KSR2: variants seen among roughly 807,000 people sequenced by gnomAD.
The protein encoded by KSR2 is kinase suppressor of ras 2.
Under a neutral mutation model 107.8 loss-of-function variants are expected in KSR2, and 25 were observed. The observed-to-expected ratio is 0.23, with a 90% CI of 0.17 to 0.32. The LOEUF is 0.32. Ranked by LOEUF, KSR2 falls within the 10% of genes least tolerant of loss-of-function variation. The probability of loss-of-function intolerance (pLI) is 1.00; values close to 1 mark genes in which losing one functional copy is unlikely to be tolerated. For missense variants in KSR2, 887 were observed against 1,268.9 expected (o/e 0.70, Z 4.57); for synonymous variants, 480 against 507.0 (o/e 0.95, Z 0.71).
At chr12:117,790,950 C>T (rs940832352) in intron 3 of KSR2, among the ~76,000 whole-genome samples, 4 of 152,176 alleles carry the variant, frequency 2.6e-5, no homozygotes, top group Admixed American at 2.0e-4. Flanking sequence ...TCCTCTCTAA[C>T]CCATTTGACT....
intron 4 of KSR2, among the ~76,000 whole-genome samples, chr12:117,708,542 C>T (rs141599744): frequency 1.1e-3 from 174 of 152,236 alleles, no homozygotes; most frequent in African/African-American, 4.0e-3. Context: ...AATGTGCCAC[C>T]CAGGACCCCC....
chr12:117,642,497 C>T (rs1883423369), intron 5 of KSR2, among the ~76,000 whole-genome samples: 1 of 152,234 alleles, frequency 6.6e-6, no homozygotes, highest in South Asian at 2.1e-4. Context: ...TCAAGGTAAA[C>T]GTACCTGTCC....
At chr12:117,513,482 ACT>A in intron 14 of KSR2, among the ~76,000 whole-genome samples, 1 of 151,940 alleles carries the variant, frequency 6.6e-6, no homozygotes, top group East Asian at 1.9e-4. Context: ...TACCCTTCCC[ACT>A]CTCACCACCC....
chr12:117,665,453 T>A (rs1336867079), intron 5 of KSR2, among the ~76,000 whole-genome samples: 1 of 152,098 alleles, frequency 6.6e-6, no homozygotes, highest in Non-Finnish European at 1.5e-5. Context: ...CCGGCTGACA[T>A]TCACTCATAG....
At chr12:117,817,483 T>C (rs1222127389) in intron 3 of KSR2, among the ~76,000 whole-genome samples, 1 of 152,132 alleles carries the variant, frequency 6.6e-6, no homozygotes, top group African/African-American at 2.4e-5. Context: ...GGCAGGACAC[T>C]TACTCCAGAT....
intron 4 of KSR2, among the ~76,000 whole-genome samples, chr12:117,722,777 C>A (rs1324809325): frequency 6.6e-6 from 1 of 152,162 alleles, no homozygotes; most frequent in East Asian, 1.9e-4. Context: ...TGTATGGATT[C>A]ACCCTGAATT....
chr12:117,480,341 G>A (rs567765926), intron 16 of KSR2, among the ~76,000 whole-genome samples: 1 of 152,132 alleles, frequency 6.6e-6, no homozygotes, highest in Non-Finnish European at 1.5e-5. Context: ...TGTGGTAGGG[G>A]GCTGGGAGAC....
intron 3 of KSR2, among the ~76,000 whole-genome samples, chr12:117,826,924 A>G (rs143948436): frequency 0.011 from 1,641 of 152,044 alleles, 35 homozygotes; most frequent in African/African-American, 0.038. Context: ...ATCTCTACAA[A>G]AAATACAAAA....
chr12:117,729,766 T>G (rs2136719460), intron 4 of KSR2, among the ~76,000 whole-genome samples: 1 of 152,310 alleles, frequency 6.6e-6, no homozygotes, highest in South Asian at 2.1e-4. Flanking sequence ...AGTCCTGTGT[T>G]AAACTGAGAA....
intron 4 of KSR2, among the ~76,000 whole-genome samples, chr12:117,737,874 C>G: frequency 6.6e-6 from 1 of 151,408 alleles, no homozygotes; most frequent in Admixed American, 6.6e-5. Flanking sequence ...GTCGGCCACA[C>G]TTTTTTCCTA....
chr12:117,671,353 T>C (rs750067766), intron 4 of KSR2, among the ~76,000 whole-genome samples: 9 of 152,170 alleles, frequency 5.9e-5, no homozygotes, highest in Non-Finnish European at 1.0e-4. Context: ...GATAGATAGA[T>C]AGACAGACAG....
intron 4 of KSR2, among the ~76,000 whole-genome samples, chr12:117,741,573 C>T (rs917064907): frequency 2.6e-5 from 4 of 152,084 alleles, no homozygotes; most frequent in African/African-American, 9.7e-5. Context: ...TACAAAAAAT[C>T]TCAAACATCT....
chr12:117,627,810 C>T (rs2136360818), intron 5 of KSR2, among the ~76,000 whole-genome samples: 1 of 152,310 alleles, frequency 6.6e-6, no homozygotes, highest in Non-Finnish European at 1.5e-5. Flanking sequence ...CAACTTGGTT[C>T]CATTCTCTGC....
intron 4 of KSR2, among the ~76,000 whole-genome samples, chr12:117,711,661 C>G (rs1314925261): frequency 6.6e-6 from 1 of 152,218 alleles, no homozygotes; most frequent in African/African-American, 2.4e-5. Flanking sequence ...ATGGATTATA[C>G]AGGCCAGAAA....
chr12:117,492,436 T>C (rs1238276856), intron 14 of KSR2, among the ~76,000 whole-genome samples: 3 of 152,084 alleles, frequency 2.0e-5, no homozygotes, highest in Non-Finnish European at 4.4e-5. Context: ...AGCAGGGGCT[T>C]TTTCTGGGAG....
At chr12:117,649,988 AG>A (rs1346998546) in intron 5 of KSR2, among the ~76,000 whole-genome samples, 4 of 152,288 alleles carry the variant, frequency 2.6e-5, no homozygotes, top group Admixed American at 2.0e-4. Flanking sequence ...ACTGATTGTC[AG>A]CCTCCCCAGC....
chr12:117,830,719 T>C (rs1331075779), intron 3 of KSR2, among the ~76,000 whole-genome samples: 2 of 152,196 alleles, frequency 1.3e-5, no homozygotes, highest in African/African-American at 4.8e-5. Context: ...ATTTAAGCTA[T>C]GAGTTAGCAA....
chr12:117,938,020 G>C (rs1441385323), intron 1 of KSR2, among the ~76,000 whole-genome samples: 1 of 147,184 alleles, frequency 6.8e-6, no homozygotes, highest in Non-Finnish European at 1.5e-5. Context: ...CTCCTCCCAT[G>C]TTGGACTTCA....
intron 3 of KSR2, among the ~76,000 whole-genome samples, chr12:117,851,638 C>G (rs909378657): frequency 6.6e-6 from 1 of 152,062 alleles, no homozygotes; most frequent in Admixed American, 6.6e-5. Context: ...TACCTGTAAT[C>G]CCAGCACTTT....
Sources: gnomAD v4.1 joint callset for allele counts (sites outside exome capture counted in the v4.1 genomes callset) on GRCh38, gnomAD v4.1.1 for gene constraint, MANE v1.5 for transcripts, NCBI Gene and HGNC (gene_info 2026-07-23, HGNC 2026-07-21) for gene names.